The following PHKA1 variants were observed in gnomAD, a reference collection of about 807,000 sequenced individuals.
The protein encoded by PHKA1 is phosphorylase b kinase regulatory subunit alpha, skeletal muscle isoform.
Under a neutral mutation model 110.2 loss-of-function variants are expected in PHKA1, and 60 were observed. That is an observed-to-expected ratio of 0.54 (90% CI 0.44 to 0.68). The LOEUF (loss-of-function observed/expected upper bound fraction) is 0.68. Among genes scored for constraint, PHKA1 ranks in the 30% least tolerant of loss-of-function variants. The probability of loss-of-function intolerance (pLI) is 0.00; values close to 1 mark genes in which losing one functional copy is unlikely to be tolerated. For missense variants in PHKA1, 801 were observed against 942.5 expected (o/e 0.85, Z 1.97); for synonymous variants, 316 against 333.6 (o/e 0.95, Z 0.58).
chrX:72,586,042 C>G (rs1012943041), intron 29 of PHKA1, among the ~76,000 whole-genome samples: 8 of 112,466 alleles, frequency 7.1e-5, no homozygotes, highest in Non-Finnish European at 1.5e-4. Context: ...CTTGAACGTC[C>G]CTGTCTGACA....
chrX:72,697,667 A>C (rs2054143731), intron 3 of PHKA1, among the ~76,000 whole-genome samples: 1 of 109,567 alleles, frequency 9.1e-6, no homozygotes, highest in Non-Finnish European at 1.9e-5. Context: ...GTTTTTAAGG[A>C]AGACACTCAG....
At chrX:72,620,958 T>C (rs1479794495) in intron 18 of PHKA1, 57 bp from the exon 19 acceptor site, 9 of 1,128,062 alleles carry the variant, frequency 8.0e-6, no homozygotes, top group Admixed American at 2.3e-5. Context: ...TTTAGTTACT[T>C]TACAATCTAC....
intron 3 of PHKA1, among the ~76,000 whole-genome samples, chrX:72,700,786 G>A (rs1460998835): frequency 9.0e-6 from 1 of 111,286 alleles, no homozygotes; most frequent in South Asian, 3.8e-4. Flanking sequence ...TTTGAAGATT[G>A]TGACATCAGA....
intron 10 of PHKA1, among the ~76,000 whole-genome samples, 181 bp from the exon 11 acceptor site, chrX:72,653,711 T>A (rs2053457172): frequency 8.9e-6 from 1 of 112,281 alleles, no homozygotes; most frequent in African/African-American, 3.2e-5. Context: ...GAGTTTTGCA[T>A]ACTTTAATGC....
At chrX:72,670,930 G>A (rs1442184985) in intron 6 of PHKA1, among the ~76,000 whole-genome samples, 1 of 111,489 alleles carries the variant, frequency 9.0e-6, no homozygotes, top group Non-Finnish European at 1.9e-5. Flanking sequence ...TCGATGGGAC[G>A]TATCTCAAAA....
At chrX:72,677,477 C>T (rs2053792589) in intron 5 of PHKA1, among the ~76,000 whole-genome samples, 2 of 111,891 alleles carry the variant, frequency 1.8e-5, no homozygotes, top group South Asian at 7.5e-4. Flanking sequence ...TTGCCAGAAA[C>T]AATTATTACA....
chrX:72,630,850 C>T (rs2053154695), intron 16 of PHKA1, among the ~76,000 whole-genome samples: 1 of 110,735 alleles, frequency 9.0e-6, no homozygotes, highest in Non-Finnish European at 1.9e-5. Flanking sequence ...AGTTGGAATG[C>T]TTTTTCTGAT....
At chrX:72,683,202 C>T (rs2053930647) in intron 5 of PHKA1, among the ~76,000 whole-genome samples, 1 of 111,871 alleles carries the variant, frequency 8.9e-6, no homozygotes, top group Non-Finnish European at 1.9e-5. Context: ...CTTTGAGAGG[C>T]CTAGGAGGGT....
chrX:72,647,860 A>G (rs1358186041), intron 13 of PHKA1, among the ~76,000 whole-genome samples: 2 of 111,744 alleles, frequency 1.8e-5, no homozygotes, highest in Non-Finnish European at 3.8e-5. Flanking sequence ...GAAGAGGAAG[A>G]CCAGAATGAG....
At chrX:72,593,343 T>TA in intron 28 of PHKA1, 69 bp from the exon 29 acceptor site, 1 of 850,284 alleles carries the variant, frequency 1.2e-6, no homozygotes, top group Non-Finnish European at 1.7e-6. Flanking sequence ...TCTTTGAACT[T>TA]TTTTTTTTTT....
chrX:72,710,825 AT>A (rs1339729360), intron 2 of PHKA1, among the ~76,000 whole-genome samples: 1 of 53,716 alleles, frequency 1.9e-5, no homozygotes, highest in Admixed American at 1.8e-4. Context: ...TTTATTTTTT[AT>A]TTTTTATTTT....
At chrX:72,610,209 G>T (rs1166127576) in intron 22 of PHKA1, among the ~76,000 whole-genome samples, 1 of 110,554 alleles carries the variant, frequency 9.0e-6, no homozygotes, top group Non-Finnish European at 1.9e-5. Flanking sequence ...CCAAATACTA[G>T]ATCTTATTCC....
intron 28 of PHKA1, among the ~76,000 whole-genome samples, chrX:72,597,740 C>G (rs2052609168): frequency 9.0e-6 from 1 of 111,418 alleles, no homozygotes; most frequent in African/African-American, 3.3e-5. Context: ...TACACTGTGC[C>G]CAATGCATCT....
At chrX:72,625,583 T>C (rs947064970) in intron 17 of PHKA1, among the ~76,000 whole-genome samples, 1 of 111,611 alleles carries the variant, frequency 9.0e-6, no homozygotes, top group African/African-American at 3.3e-5. Flanking sequence ...AACATATGCA[T>C]GTGTCTCTAT....
In PHKA1 at chrX:72,629,716, C is replaced by T. The variant is rs150020904; in HGVS notation, c.1715-2667G>A. On this transcript the variant is annotated intron_variant, in intron 16 of 31. Transcript: ENST00000373542. ...CTGTTCTTCATTTGTCTATTTTCTT[C>T]TTCCTGCCTTCTTATGGGTTACTTT... Among the ~76,000 whole-genome samples, 506 of 111,422 alleles carry T rather than the reference C, an allele frequency of 4.5e-3. 1 individual carries two copies. The highest frequency in any genetic ancestry group is 0.016 in the African/African-American group (491 of 30,720).
At position 72,670,022 on chromosome X, in the gene PHKA1, C is replaced by T. The variant is rs782063667; in HGVS notation, c.619-2549G>A. Among the ~76,000 whole-genome samples, 17 of 111,261 alleles carry T rather than the reference C, an allele frequency of 1.5e-4. No homozygotes were observed. In the East Asian group the frequency reaches 3.4e-3, roughly 22 times the overall value. On this transcript the variant is annotated intron_variant, in intron 6 of 31. Transcript: ENST00000373542. ...ACAGTGTAAAAGTGTTCCTATTTCT[C>T]CACATCCTCTCCAGCTCCTGTTGTT...
intron 5 of PHKA1, among the ~76,000 whole-genome samples, chrX:72,682,278 G>A (rs1350134786): frequency 1.0e-5 from 1 of 98,320 alleles, no homozygotes; most frequent in Non-Finnish European, 2.1e-5. Context: ...CCCCGTCCGG[G>A]AGGGAGGTGG....
rs1185410324 is a variant in PHKA1, at chrX:72,666,180, T to C, written c.835A>G (p.Thr279Ala). The C allele has an allele frequency of 9.1e-6, 11 of 1,209,308 alleles. No individual in the cohort carries two copies. The highest frequency in any genetic ancestry group is 1.2e-5 in the Non-Finnish European group (11 of 894,630). The change falls in exon 8 of 32, where the codon ACA becomes GCA. Residue 279 changes from threonine (T) to alanine (A), a missense_variant. This residue lies in a region of PHKA1 where 299 missense variants were observed against 423.3 expected (regional missense o/e 0.71). Transcript: ENST00000373542. ...AGCTTGGTGATGATTTCCTGTTTTG[T>C]GAGCTCCACCAACTGGCTATCCTCT... ...AVEDSQLVEL[T>A]KQEIITKLQG...
At chrX:72,597,262 C>T (rs2052602741) in intron 28 of PHKA1, among the ~76,000 whole-genome samples, 1 of 112,273 alleles carries the variant, frequency 8.9e-6, no homozygotes, top group Non-Finnish European at 1.9e-5. Context: ...CAGTGGCTTA[C>T]CATGCCTAAA....
Sources: gnomAD v4.1 joint callset for allele counts (sites outside exome capture counted in the v4.1 genomes callset) on GRCh38, gnomAD v4.1.1 for gene constraint, gnomAD v4.1.1 regional missense constraint, MANE v1.5 for transcripts, NCBI Gene and HGNC (gene_info 2026-07-23, HGNC 2026-07-21) for gene names.